Variants in ZNF638 observed in about 807,000 individuals in gnomAD.
The protein encoded by ZNF638 is zinc finger protein 638.
ZNF638 carries 46 observed loss-of-function variants against 195.6 expected under a neutral mutation model. The observed-to-expected ratio is 0.24, with a 90% confidence interval of 0.19 to 0.30. The LOEUF (loss-of-function observed/expected upper bound fraction) is 0.30. ZNF638 is among the 10% of genes least tolerant of loss of function. The pLI is 1.00. For missense variants in ZNF638, 2,440 were observed against 2,325.3 expected (o/e 1.05, Z -1.01); for synonymous variants, 845 against 772.0 (o/e 1.09, Z -1.57).
chr2:71,358,168 C>T (rs1039265378), intron 3 of ZNF638, among the ~76,000 whole-genome samples: 1 of 152,190 alleles, frequency 6.6e-6, no homozygotes, highest in Non-Finnish European at 1.5e-5. Flanking sequence ...CCTTAAACCT[C>T]CCTATGCCCT....
intron 11 of ZNF638, 131 bp downstream of exon 11, chr2:71,396,322 A>G: frequency 4.3e-6 from 3 of 689,872 alleles, no homozygotes; most frequent in African/African-American, 1.8e-5. Flanking sequence ...TTTGAGATTT[A>G]TAATCATCTA....
chr2:71,403,134 A>G (rs1411961584), intron 16 of ZNF638, among the ~76,000 whole-genome samples: 2 of 152,194 alleles, frequency 1.3e-5, no homozygotes, highest in East Asian at 3.8e-4. Context: ...AACATTTATG[A>G]AATTAAAATT....
chr2:71,393,574 G>A (rs752590416), intron 10 of ZNF638: 148 of 717,846 alleles, frequency 2.1e-4, no homozygotes, highest in East Asian at 3.5e-4. Flanking sequence ...AACTTACAAG[G>A]CTGAGCAAAT....
At chr2:71,398,244 G>C (rs1032042703) in intron 11 of ZNF638, among the ~76,000 whole-genome samples, 1 of 152,098 alleles carries the variant, frequency 6.6e-6, no homozygotes, top group African/African-American at 2.4e-5. Context: ...ATATCTGGGG[G>C]ATGGGAGCCA....
At chr2:71,354,842 T>C (rs937974830) in intron 2 of ZNF638, among the ~76,000 whole-genome samples, 13 of 152,220 alleles carry the variant, frequency 8.5e-5, no homozygotes, top group Non-Finnish European at 1.6e-4. Flanking sequence ...TACTTTTAAA[T>C]TTTGAAAATA....
chr2:71,433,358 G>T, intron 27 of ZNF638, 75 bp downstream of exon 27: 1 of 1,066,964 alleles, frequency 9.4e-7, no homozygotes, highest in Non-Finnish European at 1.4e-6. Flanking sequence ...CTCCCCAAAC[G>T]TACATTTCCC....
chr2:71,357,830 A>G (rs570987091), intron 3 of ZNF638, among the ~76,000 whole-genome samples: 104 of 152,120 alleles, frequency 6.8e-4, no homozygotes, highest in African/African-American at 2.0e-3. Context: ...ACCTCCTTTT[A>G]TTGCACTTCG....
At chr2:71,389,384 C>T (rs760698219) in intron 10 of ZNF638, among the ~76,000 whole-genome samples, 8 of 152,212 alleles carry the variant, frequency 5.3e-5, no homozygotes, top group Non-Finnish European at 8.8e-5. Flanking sequence ...AACGGAGCTG[C>T]TAGTCCATTT....
chr2:71,395,201 T>G (rs770301894), intron 10 of ZNF638: 1 of 716,964 alleles, frequency 1.4e-6, no homozygotes, highest in Admixed American at 2.0e-5. Flanking sequence ...GAAAAAAATA[T>G]TACTAATTAT....
rs1205916217 is a variant in ZNF638, at chr2:71,408,214, C to T, written c.3228C>T (p.Thr1076=). 1 of 1,612,760 alleles carries T rather than the reference C, an allele frequency of 6.2e-7. No homozygotes were observed. The highest frequency in any genetic ancestry group is 8.5e-7 in the Non-Finnish European group (1 of 1,179,432). Residue 1076 remains threonine (T), a synonymous_variant, in exon 20 of 28, where the codon ACC becomes ACT. Transcript: ENST00000264447. ...AAAATATTGGTGACCATATGTTGAC[C>T]TGCTCATTATCTCCAAAGATAGACT... ...NPQNIGDHML[T]CSLSPKIDLP...
At chr2:71,386,020 TA>T (rs997866176) in intron 10 of ZNF638, among the ~76,000 whole-genome samples, 1 of 152,038 alleles carries the variant, frequency 6.6e-6, no homozygotes, top group South Asian at 2.1e-4. Context: ...ACTACCATAT[TA>T]AAAAAAGAAC....
intron 13 of ZNF638, 50 bp downstream of exon 13, chr2:71,399,695 T>TA: frequency 6.7e-7 from 1 of 1,495,776 alleles, no homozygotes; most frequent in Non-Finnish European, 9.2e-7. Context: ...TTCTTTTTTT[T>TA]AACTTTTTAA....
At chr2:71,377,653 G>C (rs995494717) in intron 8 of ZNF638, among the ~76,000 whole-genome samples, 4 of 152,216 alleles carry the variant, frequency 2.6e-5, no homozygotes, top group African/African-American at 9.7e-5. Flanking sequence ...GCAGTGGTGA[G>C]CAAGAGAGGT....
intron 10 of ZNF638, among the ~76,000 whole-genome samples, chr2:71,392,371 G>A (rs1000943099): frequency 7.9e-5 from 12 of 152,148 alleles, no homozygotes; most frequent in Admixed American, 2.0e-4. Flanking sequence ...ACTCAATCTG[G>A]ATTTACTACC....
intron 10 of ZNF638, chr2:71,395,926 A>G (rs2079883572): frequency 5.1e-6 from 3 of 593,934 alleles, no homozygotes; most frequent in South Asian, 2.0e-5. Context: ...AGGTCAGTCT[A>G]ATGTTACTTG....
At chr2:71,370,673 A>C (rs553754076) in intron 8 of ZNF638, among the ~76,000 whole-genome samples, 78 of 152,036 alleles carry the variant, frequency 5.1e-4, no homozygotes, top group African/African-American at 1.8e-3. Flanking sequence ...TTTATATCTT[A>C]AAAAAAATTA....
intron 12 of ZNF638, 59 bp downstream of exon 12, chr2:71,398,831 G>A (rs757239530): frequency 6.6e-5 from 95 of 1,430,236 alleles, no homozygotes; most frequent in Non-Finnish European, 8.5e-5. Flanking sequence ...TTTTAAATTC[G>A]TATAATAATT....
At chr2:71,361,325 A>G (rs566214886) in intron 3 of ZNF638, among the ~76,000 whole-genome samples, 2 of 152,360 alleles carry the variant, frequency 1.3e-5, no homozygotes, top group African/African-American at 2.4e-5. Context: ...TGGAAATTTA[A>G]TAACTTTGAT....
chr2:71,423,208 G>A lies in ZNF638; in HGVS notation c.3694G>A (p.Glu1232Lys). The A allele has an allele frequency of 1.2e-6, 2 of 1,614,102 alleles. No individual in the cohort carries two copies. Among genetic ancestry groups the A allele is most frequent in the Non-Finnish European group, 1.7e-6 (2 of 1,179,984 alleles). ...ALLPSDSVFAEERNLKGILEE... is the reference protein window; with the variant it reads ...ALLPSDSVFAKERNLKGILEE... ...GTTACCATCTGACAGTGTGTTTGCA[G>A]AAGAAAGGAACCTCAAAGGAATTCT... Residue 1232 changes from glutamate (E) to lysine (K), a missense_variant, in exon 22 of 28, where the codon GAA becomes AAA. By Grantham distance (56) the Glu-to-Lys change is moderately conservative (BLOSUM62 1). Around this residue, in one of 5 missense-constraint regions of ZNF638, gnomAD observed 1,883 missense variants for 1,739.1 expected, o/e 1.08. Transcript: ENST00000264447.
Sources: gnomAD v4.1 joint callset for allele counts (sites outside exome capture counted in the v4.1 genomes callset) on GRCh38, gnomAD v4.1.1 for gene constraint, gnomAD v4.1.1 regional missense constraint, MANE v1.5 for transcripts, NCBI Gene and HGNC (gene_info 2026-07-23, HGNC 2026-07-21) for gene names.